OSBPL8: variants seen among roughly 807,000 people sequenced by gnomAD.
OSBPL8 encodes the protein oxysterol-binding protein-related protein 8.
A neutral mutation model predicts 125.5 loss-of-function variants in OSBPL8; 59 were observed. That is an observed-to-expected ratio of 0.47 (90% CI 0.38 to 0.58). The LOEUF is 0.58. Ranked by LOEUF, OSBPL8 falls within the 20% of genes least tolerant of loss-of-function variation. The probability of loss-of-function intolerance (pLI) is 0.00; values close to 1 mark genes in which losing one functional copy is unlikely to be tolerated. For synonymous variants in OSBPL8, 330 were observed against 338.9 expected, an observed-to-expected ratio of 0.97 and a Z score of 0.29; for missense variants, 758 against 1,047.8, an observed-to-expected ratio of 0.72 and a Z score of 3.82.
chr12:76,489,334 G>C lies in OSBPL8; in HGVS notation c.-67-1716C>G, dbSNP rs542955121. On this transcript the variant is annotated intron_variant, in intron 1 of 23. Transcript: ENST00000261183. Reference sequence around the variant, plus strand: ...TAGATGAAATAGCCTTCTATTAGAAGATGCCATTAAGGACTTTCATATCTA... The same window carrying C: ...TAGATGAAATAGCCTTCTATTAGAACATGCCATTAAGGACTTTCATATCTA... Among the ~76,000 whole-genome samples the C allele has an allele frequency of 2.6e-5, 4 of 152,332 alleles. No individual in the cohort carries two copies. The East Asian group carries it at 5.8e-4, about 22-fold the overall frequency.
chr12:76,410,903 T>C (rs1262690555), intron 4 of OSBPL8, among the ~76,000 whole-genome samples: 1 of 152,194 alleles, frequency 6.6e-6, no homozygotes, highest in African/African-American at 2.4e-5. Flanking sequence ...TCAGCGCTTA[T>C]AGAGCTTTTA....
rs1243969356 is a variant in OSBPL8 at position 76,378,299 on chromosome 12, G to A, written c.1729+153C>T. Among the ~76,000 whole-genome samples the A allele has an allele frequency of 2.0e-5, 3 of 152,142 alleles. 1 individual carries two copies. Among genetic ancestry groups the A allele is most frequent in the South Asian group, 4.1e-4 (2 of 4,830 alleles). ...TTCACCGCAGAAATATTCAGCAAAT[G>A]ATAGCAATAATCTTAAATATCTGTA... On this transcript the variant is annotated intron_variant, in intron 16 of 23. Transcript: ENST00000261183.
intron 19 of OSBPL8, among the ~76,000 whole-genome samples, chr12:76,370,183 T>C (rs758292421): frequency 6.6e-6 from 1 of 152,200 alleles, no homozygotes; most frequent in Non-Finnish European, 1.5e-5. Flanking sequence ...CGTCTTACAC[T>C]GTTTAAGATT....
chr12:76,412,326 G>A (rs1390580213), intron 4 of OSBPL8, among the ~76,000 whole-genome samples: 3 of 152,094 alleles, frequency 2.0e-5, no homozygotes, highest in Non-Finnish European at 4.4e-5. Flanking sequence ...ATACTGACTC[G>A]GAGGGGTGTG....
intron 1 of OSBPL8, among the ~76,000 whole-genome samples, chr12:76,541,126 G>A (rs1324001729): frequency 6.6e-6 from 1 of 152,148 alleles, no homozygotes; most frequent in African/African-American, 2.4e-5. Flanking sequence ...CACCATAATG[G>A]TAAATCTACA....
Position 76,389,606 on chromosome 12 carries a change from T to C in OSBPL8, c.1352+39A>G, listed in dbSNP as rs568927482. The C allele has an allele frequency of 4.9e-5, 69 of 1,399,650 alleles. No homozygotes were observed. In the South Asian group the frequency reaches 1.0e-3, roughly 21 times the overall value. The allele number at this position is 1,399,650 out of a possible 1,614,324, so 86.7% of individuals were successfully genotyped here. On this transcript the variant is annotated intron_variant, in intron 12 of 23. Coordinates refer to ENST00000261183, the MANE Select transcript of OSBPL8 (RefSeq NM_020841.5). ...GCATTCTTGAGAATTTCTAAAATCA[T>C]GAAGTATTGTCTATTTTAAGAAATA...
intron 4 of OSBPL8, among the ~76,000 whole-genome samples, chr12:76,428,317 C>G (rs1442437159): frequency 6.6e-6 from 1 of 151,722 alleles, no homozygotes; most frequent in Non-Finnish European, 1.5e-5. Context: ...ATAAAAGATT[C>G]AGACTGGGGA....
At chr12:76,521,830 C>T (rs7295883) in intron 1 of OSBPL8, among the ~76,000 whole-genome samples, 75,681 of 151,862 alleles carry the variant, frequency 0.5, 20,316 homozygotes, top group African/African-American at 0.68. Context: ...AATGGACATA[C>T]AGTTTCAATT....
chr12:76,451,045 ATAGTT>A (rs1873345528), intron 3 of OSBPL8, 57 bp from the exon 4 acceptor site: 1 of 1,537,730 alleles, frequency 6.5e-7, no homozygotes, highest in African/African-American at 1.4e-5. Context: ...ACATAATAGT[ATAGTT>A]AATAACATGG....
At chr12:76,479,924 T>C (rs1877267183) in intron 2 of OSBPL8, among the ~76,000 whole-genome samples, 1 of 151,956 alleles carries the variant, frequency 6.6e-6, no homozygotes, top group Admixed American at 6.6e-5. Flanking sequence ...CCCAGCACTT[T>C]GGGAAGCCGA....
intron 5 of OSBPL8, among the ~76,000 whole-genome samples, chr12:76,403,116 A>C (rs1426377132): frequency 6.6e-6 from 1 of 152,196 alleles, no homozygotes; most frequent in Admixed American, 6.5e-5. Flanking sequence ...TAATAGTTGA[A>C]ATATTCTAAA....
At chr12:76,517,495 G>A (rs868588597) in intron 1 of OSBPL8, among the ~76,000 whole-genome samples, 14 of 151,570 alleles carry the variant, frequency 9.2e-5, no homozygotes, top group South Asian at 2.1e-4. Context: ...CTAATATCTC[G>A]TACATATATA....
At chr12:76,551,016 G>C (rs988860121) in intron 1 of OSBPL8, among the ~76,000 whole-genome samples, 8 of 152,178 alleles carry the variant, frequency 5.3e-5, no homozygotes, top group Admixed American at 2.6e-4. Context: ...CTGCACTCCA[G>C]CCTGGAGTGC....
chr12:76,543,397 G>A (rs1018303429), intron 1 of OSBPL8, among the ~76,000 whole-genome samples: 2 of 151,802 alleles, frequency 1.3e-5, no homozygotes, highest in Non-Finnish European at 2.9e-5. Context: ...AATAGAAAAT[G>A]AAATCTCCCT....
At chr12:76,435,992 C>G (rs1242147390) in intron 4 of OSBPL8, among the ~76,000 whole-genome samples, 1 of 152,162 alleles carries the variant, frequency 6.6e-6, no homozygotes, top group African/African-American at 2.4e-5. Flanking sequence ...ATCTTACTCC[C>G]CACCATACAT....
chr12:76,442,893 C>T (rs1872351581), intron 4 of OSBPL8, among the ~76,000 whole-genome samples: 1 of 152,174 alleles, frequency 6.6e-6, no homozygotes, highest in Admixed American at 6.5e-5. Context: ...GAATCTGGTA[C>T]AGTATCTTCA....
chr12:76,524,156 A>G (rs971617922), intron 1 of OSBPL8, among the ~76,000 whole-genome samples: 1 of 152,204 alleles, frequency 6.6e-6, no homozygotes, highest in Non-Finnish European at 1.5e-5. Flanking sequence ...GACTGTTCTC[A>G]TAATAAATAA....
chr12:76,460,566 G>C (rs1315804868), intron 2 of OSBPL8, among the ~76,000 whole-genome samples: 1 of 151,788 alleles, frequency 6.6e-6, no homozygotes, highest in African/African-American at 2.4e-5. Context: ...TTTTCTTAGG[G>C]CCCACTAAAA....
At chr12:76,372,043 ATCTT>A (rs1317086866) in intron 18 of OSBPL8, among the ~76,000 whole-genome samples, 3 of 152,182 alleles carry the variant, frequency 2.0e-5, no homozygotes, top group Non-Finnish European at 4.4e-5. Flanking sequence ...CTATCGAATA[ATCTT>A]TCTATCTAAG....
Sources: allele counts gnomAD v4.1 joint callset (sites outside exome capture counted in the v4.1 genomes callset), GRCh38; gene constraint gnomAD v4.1.1; transcripts MANE v1.5; gene names NCBI Gene and HGNC (gene_info 2026-07-23, HGNC 2026-07-21).